Variants in MAGI2 observed in about 807,000 individuals in gnomAD.
MAGI2 encodes the protein membrane-associated guanylate kinase, WW and PDZ domain-containing protein 2.
MAGI2 carries 35 observed loss-of-function variants against 133.3 expected under a neutral mutation model. The observed-to-expected ratio is 0.26, with a 90% confidence interval of 0.20 to 0.35. The LOEUF (loss-of-function observed/expected upper bound fraction) is 0.35, where lower values mean the gene tolerates loss of function less well. Among genes scored for constraint, MAGI2 ranks in the 10% least tolerant of loss-of-function variants. The pLI, the probability that MAGI2 is intolerant of heterozygous loss-of-function variation, is 1.00. For synonymous variants in MAGI2, 729 were observed against 710.6 expected (o/e 1.03, Z -0.41); for missense variants, 1,636 against 1,863.4 (o/e 0.88, Z 2.25).
intron 7 of MAGI2, among the ~76,000 whole-genome samples, chr7:78,363,299 C>A (rs1041243115): frequency 6.6e-6 from 1 of 152,094 alleles, no homozygotes; most frequent in Non-Finnish European, 1.5e-5. Flanking sequence ...TGAGACCATC[C>A]TGGTTAACAC....
intron 1 of MAGI2, among the ~76,000 whole-genome samples, chr7:79,301,171 T>C (rs894429435): frequency 2.6e-5 from 4 of 152,198 alleles, no homozygotes; most frequent in Non-Finnish European, 5.9e-5. Flanking sequence ...GAGTTCCTAT[T>C]TAGGCACTGC....
chr7:79,009,317 CTG>C (rs1184731792), intron 1 of MAGI2, among the ~76,000 whole-genome samples: 1 of 151,846 alleles, frequency 6.6e-6, no homozygotes, highest in Non-Finnish European at 1.5e-5. Flanking sequence ...ATTTCAATGA[CTG>C]TATCTTTTTT....
At chr7:78,372,130 T>C (rs1168684721) in intron 6 of MAGI2, among the ~76,000 whole-genome samples, 1 of 152,136 alleles carries the variant, frequency 6.6e-6, no homozygotes, top group Non-Finnish European at 1.5e-5. Context: ...TTGTGTGTAT[T>C]CTTTTATTGA....
chr7:78,560,262 G>A (rs1026387338), intron 3 of MAGI2, among the ~76,000 whole-genome samples: 19 of 152,202 alleles, frequency 1.2e-4, no homozygotes, highest in African/African-American at 4.6e-4. Context: ...TCAACATGGT[G>A]AGTTTGAAGT....
At chr7:79,030,434 A>C (rs1285618401) in intron 1 of MAGI2, 1 of 152,188 alleles carries the variant, frequency 6.6e-6, no homozygotes, top group Non-Finnish European at 1.5e-5. Context: ...TGGGACAAGG[A>C]GGTATTTTGC....
chr7:78,270,297 G>A (rs1298830524), intron 9 of MAGI2, among the ~76,000 whole-genome samples: 1 of 152,156 alleles, frequency 6.6e-6, no homozygotes. Flanking sequence ...TTCCAATTCT[G>A]TGAAGAAAGT....
At chr7:78,273,007 C>T (rs146738184) in intron 9 of MAGI2, among the ~76,000 whole-genome samples, 3,065 of 152,110 alleles carry the variant, frequency 0.02, 114 homozygotes, top group African/African-American at 0.07. Flanking sequence ...TTATTTTGCC[C>T]GTTTGTTGAT....
chr7:78,806,866 T>TAAAAA (rs1788620945), intron 2 of MAGI2, among the ~76,000 whole-genome samples: 1 of 102,998 alleles, frequency 9.7e-6, no homozygotes, highest in Non-Finnish European at 1.9e-5. Context: ...ACACCCTGTC[T>TAAAAA]CAAAATAAAA....
intron 1 of MAGI2, among the ~76,000 whole-genome samples, chr7:79,339,559 A>G (rs1477589260): frequency 1.3e-5 from 2 of 151,676 alleles, no homozygotes; most frequent in Non-Finnish European, 2.9e-5. Context: ...GGCATATACA[A>G]TTTATTCTGG....
chr7:79,378,930 A>ATATG (rs1554465169), intron 1 of MAGI2, among the ~76,000 whole-genome samples: 369 of 29,754 alleles, frequency 0.012, 1 homozygote, highest in African/African-American at 0.052. Flanking sequence ...GTGTGTGTAT[A>ATATG]TATATATATA....
At chr7:78,427,608 A>G (rs6959336) in intron 6 of MAGI2, among the ~76,000 whole-genome samples, 43,605 of 150,124 alleles carry the variant, frequency 0.29, 6,713 homozygotes, top group African/African-American at 0.37. Flanking sequence ...ATGTATAATC[A>G]TAGTGAAAGA....
intron 2 of MAGI2, among the ~76,000 whole-genome samples, chr7:78,777,781 C>T (rs1299922373): frequency 1.7e-4 from 26 of 152,094 alleles, no homozygotes; most frequent in Admixed American, 1.7e-3. Flanking sequence ...ACTTAAATAC[C>T]TTCCAGTACA....
chr7:78,485,298 A>T (rs531358395), intron 6 of MAGI2: 19 of 152,080 alleles, frequency 1.2e-4, no homozygotes, highest in Non-Finnish European at 2.1e-4. Flanking sequence ...AGGTGGAGAC[A>T]TTTTTTTCTG....
intron 2 of MAGI2, among the ~76,000 whole-genome samples, chr7:78,699,696 G>T (rs1817872206): frequency 1.3e-5 from 2 of 152,084 alleles, no homozygotes; most frequent in African/African-American, 4.8e-5. Flanking sequence ...GTGTAACAAG[G>T]TTCCTCATAT....
chr7:78,461,778 G>A (rs1790047335), intron 6 of MAGI2, among the ~76,000 whole-genome samples: 1 of 151,550 alleles, frequency 6.6e-6, no homozygotes, highest in African/African-American at 2.4e-5. Flanking sequence ...GGGCGTGGTG[G>A]TGCATGCCTG....
chr7:78,053,353 T>A (rs1321067805), intron 21 of MAGI2, among the ~76,000 whole-genome samples: 4 of 152,196 alleles, frequency 2.6e-5, no homozygotes, highest in African/African-American at 9.7e-5. Context: ...ATAGAAGCTG[T>A]CCCAGGACTG....
At chr7:79,389,199 T>C (rs1428197553) in intron 1 of MAGI2, among the ~76,000 whole-genome samples, 1 of 152,076 alleles carries the variant, frequency 6.6e-6, no homozygotes, top group African/African-American at 2.4e-5. Context: ...TAAGATAATC[T>C]ATATTTTTAA....
At chr7:78,801,277 A>T (rs1211508314) in intron 2 of MAGI2, among the ~76,000 whole-genome samples, 1 of 152,190 alleles carries the variant, frequency 6.6e-6, no homozygotes, top group Admixed American at 6.5e-5. Flanking sequence ...CCCTTACTTC[A>T]ATAATCAGAA....
intron 2 of MAGI2, among the ~76,000 whole-genome samples, chr7:78,976,659 CT>C (rs2116088312): frequency 6.6e-6 from 1 of 150,410 alleles, no homozygotes; most frequent in East Asian, 2.0e-4. Context: ...AGAAATAAAA[CT>C]GTAATAATTA....
Sources: allele counts gnomAD v4.1 joint callset (sites outside exome capture counted in the v4.1 genomes callset), GRCh38; gene constraint gnomAD v4.1.1; transcripts MANE v1.5; gene names NCBI Gene and HGNC (gene_info 2026-07-23, HGNC 2026-07-21).